The following CTSC variants were observed in gnomAD, a reference collection of about 807,000 sequenced individuals.
CTSC encodes the protein dipeptidyl peptidase 1.
Under a neutral mutation model 40.9 loss-of-function variants are expected in CTSC, and 37 were observed. The ratio of observed to expected loss-of-function variants is 0.91; its 90% CI spans 0.70 to 1.19. The LOEUF is 1.19. CTSC is among the 50% of genes most tolerant of loss of function. The pLI, the probability that CTSC is intolerant of heterozygous loss-of-function variation, is 0.00. For missense variants in CTSC, 594 were observed against 567.3 expected (o/e 1.05, Z -0.48); for synonymous variants, 232 against 207.4 (o/e 1.12, Z -1.02).
chr11:88,305,141 A>G (rs568033923), intron 4 of CTSC, among the ~76,000 whole-genome samples: 14 of 152,098 alleles, frequency 9.2e-5, no homozygotes, highest in African/African-American at 3.1e-4. Flanking sequence ...GTTACCCTCT[A>G]TGGTCTAAAA....
At chr11:88,336,975 A>T (rs1327148711) in intron 1 of CTSC, among the ~76,000 whole-genome samples, 1 of 152,154 alleles carries the variant, frequency 6.6e-6, no homozygotes, top group Non-Finnish European at 1.5e-5. Flanking sequence ...TGCATGAAAC[A>T]ATGCAGAGTG....
intron 2 of CTSC, among the ~76,000 whole-genome samples, chr11:88,333,526 T>C (rs1242546861): frequency 1.3e-5 from 2 of 152,232 alleles, no homozygotes; most frequent in Admixed American, 1.3e-4. Context: ...ATGCAATTGA[T>C]TCTTAATCTG....
At chr11:88,313,971 A>C (rs1937823206) in intron 2 of CTSC, among the ~76,000 whole-genome samples, 1 of 152,198 alleles carries the variant, frequency 6.6e-6, no homozygotes, top group Non-Finnish European at 1.5e-5. Flanking sequence ...ATCAAAAGCA[A>C]GACTCAAACA....
At position 88,337,719 on chromosome 11, in the gene CTSC, G is replaced by C. The variant is rs556122829; in HGVS notation, c.-47C>G. ...AGGTGAAGAATTACCAGGAAGCCGA[G>C]CGCTGCGGGCTAGCGGTGAGTCCAC... On this transcript the variant is annotated 5_prime_UTR_variant, in exon 1 of 7. Coordinates refer to ENST00000227266, the MANE Select transcript of CTSC (RefSeq NM_001814.6). 14 of 1,548,166 alleles carry C rather than the reference G, an allele frequency of 9.0e-6. No individual in the cohort carries two copies. Among genetic ancestry groups the C allele is most frequent in the Non-Finnish European group, 1.2e-5 (14 of 1,145,552 alleles).
intron 2 of CTSC, chr11:88,326,210 T>G: frequency 3.6e-6 from 5 of 1,399,588 alleles, no homozygotes; most frequent in Non-Finnish European, 4.6e-6. Context: ...AAATGATGTT[T>G]ACTGTTTTCC....
In CTSC at chr11:88,312,558, C is replaced by T; in HGVS notation, c.319-4G>A. ...CCTTGCTGCCCTCTTCTTTATACTG[C>T]AAACAAATAAGAGAAAAGAAAACCA... On this transcript the variant is annotated splice_region_variant and splice_polypyrimidine_tract_variant and intron_variant, in intron 2 of 6. Transcript: ENST00000227266. 1.2e-6 allele frequency: 2 copies of T among 1,614,008 alleles called. No individual in the cohort carries two copies. Among genetic ancestry groups the T allele is most frequent in the Non-Finnish European group, 1.7e-6 (2 of 1,180,004 alleles).
chr11:88,320,813 TATTAC>T, intron 2 of CTSC: 1 of 894,636 alleles, frequency 1.1e-6, no homozygotes, highest in South Asian at 5.2e-5. Flanking sequence ...CCACATGATA[TATTAC>T]ATAACATTCT....
intron 2 of CTSC, among the ~76,000 whole-genome samples, chr11:88,318,191 T>C (rs1937920943): frequency 6.6e-6 from 1 of 152,214 alleles, no homozygotes; most frequent in Non-Finnish European, 1.5e-5. Flanking sequence ...AATACTTACT[T>C]TACATAACAA....
intron 4 of CTSC, among the ~76,000 whole-genome samples, chr11:88,303,388 G>C (rs217118): frequency 0.28 from 42,044 of 152,136 alleles, 7,080 homozygotes; most frequent in East Asian, 0.56. Context: ...TTGTTTACCT[G>C]TGCTTCTGGC....
chr11:88,333,075 T>C (rs1399676953), intron 2 of CTSC, among the ~76,000 whole-genome samples: 1 of 152,250 alleles, frequency 6.6e-6, no homozygotes, highest in Admixed American at 6.5e-5. Flanking sequence ...CACCAGCTAA[T>C]TCCCTCTGTC....
intron 2 of CTSC, chr11:88,326,325 C>G: frequency 1.2e-6 from 2 of 1,613,594 alleles, no homozygotes; most frequent in South Asian, 1.1e-5. Context: ...CTGCTAGAGG[C>G]CTTTGCTAGC....
rs1225826483 is a variant in CTSC, at chr11:88,337,656, G to A, written c.17C>T (p.Ser6Phe). The change falls in exon 1 of 7, where the codon TCC becomes TTC. Residue 6 changes from serine to phenylalanine, a missense_variant. Coordinates refer to ENST00000227266, the MANE Select transcript of CTSC (RefSeq NM_001814.6). ...CAGCAGGAGGGCGGCGAGCAGCAAG[G>A]AGGGCCCAGCACCCATGCTGCAGGG... Reference protein sequence around the residue: MGAGPSLLLAALLLLL... With the variant: MGAGPFLLLAALLLLL... 5.7e-6 allele frequency: 9 copies of A among 1,580,120 alleles called. No individual in the cohort carries two copies. The highest frequency in any genetic ancestry group is 6.9e-6 in the Non-Finnish European group (8 of 1,162,614).
chr11:88,303,502 T>C (rs1045934901), intron 4 of CTSC, among the ~76,000 whole-genome samples: 2 of 152,206 alleles, frequency 1.3e-5, no homozygotes, highest in East Asian at 1.9e-4. Context: ...TGTTTAGTGG[T>C]TTATTATAAA....
At position 88,296,224 on chromosome 11, in the gene CTSC, C is replaced by A; in HGVS notation, c.798G>T (p.Met266Ile). The A allele has an allele frequency of 6.2e-7, 1 of 1,613,966 alleles. No individual in the cohort carries two copies. Among genetic ancestry groups the A allele is most frequent in the Non-Finnish European group, 8.5e-7 (1 of 1,179,868 alleles). The change falls in exon 6 of 7, where the codon ATG (methionine) becomes ATT (isoleucine). Residue 266 changes from methionine (M) to isoleucine (I), a missense_variant. Coordinates refer to ENST00000227266, the MANE Select transcript of CTSC (RefSeq NM_001814.6). ...TTAGTATACGGATTCTCGCTTCTAG[C>A]ATACCCATAGAAGCAAATGAGTAGC... ...GSCYSFASMG[M>I]LEARIRILTN...
intron 2 of CTSC, among the ~76,000 whole-genome samples, chr11:88,333,144 G>A (rs901221350): frequency 3.3e-5 from 5 of 152,092 alleles, no homozygotes; most frequent in African/African-American, 1.2e-4. Flanking sequence ...AATAATAAAA[G>A]AAGAAAACTG....
chr11:88,310,930 A>G lies in CTSC; in HGVS notation c.485+1458T>C, dbSNP rs1408108350. Among the ~76,000 whole-genome samples the G allele has an allele frequency of 3.3e-5, 5 of 152,232 alleles. No individual in the cohort carries two copies. The East Asian group carries it at 9.6e-4, about 29-fold the overall frequency. Reference sequence around the variant, plus strand: ...CGCTTGCTTTATCATAACATCTAGCAAAACCTCGTGTGTTGACATGTGCAT... The same window carrying G: ...CGCTTGCTTTATCATAACATCTAGCGAAACCTCGTGTGTTGACATGTGCAT... On this transcript the variant is annotated intron_variant, in intron 3 of 6. Coordinates refer to ENST00000227266, the MANE Select transcript of CTSC (RefSeq NM_001814.6).
chr11:88,328,383 C>T (rs1336503436), intron 2 of CTSC, among the ~76,000 whole-genome samples: 2 of 152,124 alleles, frequency 1.3e-5, no homozygotes, highest in African/African-American at 4.8e-5. Flanking sequence ...AAATGCTGAG[C>T]TTGATATATT....
rs1172002755 is a variant in CTSC, at chr11:88,293,779, C to T, written c.*227G>A. ...GCAAACTCTATTACTTCATAGCTGA[C>T]CATCTTCCAGAAAATTCCCACTTAA... On this transcript the variant is annotated 3_prime_UTR_variant, in exon 7 of 7. Coordinates refer to ENST00000227266, the MANE Select transcript of CTSC (RefSeq NM_001814.6). The T allele has an allele frequency of 1.0e-5, 6 of 585,966 alleles. No homozygotes were observed. Among genetic ancestry groups the T allele is most frequent in the Non-Finnish European group, 1.8e-5 (6 of 328,950 alleles). The allele number at this position is 585,966 out of a possible 1,614,324, so 36.3% of individuals were successfully genotyped here. A position where few individuals can be genotyped will look rare whatever the true frequency, so the allele number is the denominator to read the frequency against.
intron 4 of CTSC, among the ~76,000 whole-genome samples, chr11:88,301,049 G>A (rs1944355129): frequency 6.6e-6 from 1 of 152,128 alleles, no homozygotes. Flanking sequence ...TTAGGAGACA[G>A]ACACATTGGT....
Sources: gnomAD v4.1 joint callset for allele counts (sites outside exome capture counted in the v4.1 genomes callset) on GRCh38, gnomAD v4.1.1 for gene constraint, MANE v1.5 for transcripts, NCBI Gene and HGNC (gene_info 2026-07-23, HGNC 2026-07-21) for gene names.